KCNMA1: variants seen among roughly 807,000 people sequenced by gnomAD.
KCNMA1 encodes potassium calcium-activated channel subfamily M alpha 1.
In KCNMA1, 29 loss-of-function variants were observed where a neutral mutation model predicts 140.0. The ratio of observed to expected loss-of-function variants is 0.21; its 90% CI spans 0.15 to 0.28. The LOEUF (loss-of-function observed/expected upper bound fraction) is 0.28, where lower values mean the gene tolerates loss of function less well. KCNMA1 is among the 10% of genes least tolerant of loss of function. The probability of loss-of-function intolerance (pLI) is 1.00; values close to 1 mark genes in which losing one functional copy is unlikely to be tolerated. For missense variants in KCNMA1, 880 were observed against 1,602.2 expected (o/e 0.55, Z 7.70); for synonymous variants, 612 against 611.9 (o/e 1.00, Z 0.00).
At chr10:77,151,209 TTTC>T (rs2098412685) in intron 5 of KCNMA1, among the ~76,000 whole-genome samples, 4 of 3,256 alleles carry the variant, frequency 1.2e-3, no homozygotes, top group Non-Finnish European at 2.3e-3. Flanking sequence ...TCTCTCTCTC[TTTC>T]TTTCTTTCCT....
At chr10:77,165,396 A>G (rs189285158) in intron 5 of KCNMA1, among the ~76,000 whole-genome samples, 2 of 152,242 alleles carry the variant, frequency 1.3e-5, no homozygotes, top group East Asian at 1.9e-4. Context: ...TCTGAGAAAC[A>G]TATCTATTCA....
intron 14 of KCNMA1, among the ~76,000 whole-genome samples, chr10:77,055,933 C>T (rs189821559): frequency 2.6e-5 from 4 of 152,314 alleles, no homozygotes; most frequent in Non-Finnish European, 4.4e-5. Context: ...CTACACAGCA[C>T]ATTTAGATTC....
At chr10:76,971,527 C>T (rs16934089) in intron 19 of KCNMA1, among the ~76,000 whole-genome samples, 33,084 of 151,990 alleles carry the variant, frequency 0.22, 3,956 homozygotes, top group Non-Finnish European at 0.25. Flanking sequence ...TTGTCTAAAC[C>T]CTGGCTGATG....
intron 1 of KCNMA1, among the ~76,000 whole-genome samples, chr10:77,547,010 A>G (rs1219709333): frequency 2.6e-5 from 4 of 152,124 alleles, no homozygotes; most frequent in Non-Finnish European, 5.9e-5. Context: ...CATTCCAGAA[A>G]CCAAGATCTT....
intron 5 of KCNMA1, among the ~76,000 whole-genome samples, chr10:77,170,088 G>A (rs1321443681): frequency 6.6e-6 from 1 of 152,198 alleles, no homozygotes; most frequent in African/African-American, 2.4e-5. Context: ...CTACTTGGGA[G>A]GCTGAGGCAG....
intron 1 of KCNMA1, among the ~76,000 whole-genome samples, chr10:77,523,211 C>CCCA (rs1555416286): frequency 1.3e-5 from 2 of 150,244 alleles, no homozygotes; most frequent in Admixed American, 6.6e-5. Flanking sequence ...GTGCCCCCCC[C>CCCA]CCTTGCAATC....
intron 3 of KCNMA1, among the ~76,000 whole-genome samples, chr10:77,213,756 C>T (rs867949053): frequency 6.6e-6 from 1 of 152,248 alleles, no homozygotes; most frequent in African/African-American, 2.4e-5. Flanking sequence ...GCCACCCACC[C>T]ACTCCCATGA....
At chr10:77,190,560 C>CA (rs1291963028) in intron 3 of KCNMA1, among the ~76,000 whole-genome samples, 22 of 152,042 alleles carry the variant, frequency 1.4e-4, no homozygotes, top group Admixed American at 1.4e-3. Context: ...GGGGCTCATG[C>CA]AAAAATGATG....
rs148289589 is a variant in KCNMA1 at position 77,050,571 on chromosome 10, C to T, written c.1750-10934G>A. Among the ~76,000 whole-genome samples the T allele has an allele frequency of 4.3e-3, 648 of 152,294 alleles. 7 individuals are homozygous for T. The highest frequency in any genetic ancestry group is 0.015 in the African/African-American group (605 of 41,570). On this transcript the variant is annotated intron_variant, in intron 14 of 27. Transcript: ENST00000286628. Reference sequence around the variant, plus strand: ...AGTGCTATCTATACTTTGATATGCACGTATGTCACCCAAGTGTCTTGGCAA... The same window carrying T: ...AGTGCTATCTATACTTTGATATGCATGTATGTCACCCAAGTGTCTTGGCAA...
At chr10:77,201,116 G>C (rs1438485591) in intron 3 of KCNMA1, among the ~76,000 whole-genome samples, 1 of 152,076 alleles carries the variant, frequency 6.6e-6, no homozygotes, top group Non-Finnish European at 1.5e-5. Flanking sequence ...GCTTTCTTTT[G>C]GCAGGAGTTG....
intron 5 of KCNMA1, among the ~76,000 whole-genome samples, chr10:77,158,540 C>A (rs1029261845): frequency 3.3e-5 from 5 of 152,074 alleles, no homozygotes; most frequent in South Asian, 4.2e-4. Context: ...CCCCATAGTC[C>A]CCCCCTCCAT....
chr10:77,233,829 T>C (rs1466244779), intron 3 of KCNMA1, among the ~76,000 whole-genome samples: 1 of 152,174 alleles, frequency 6.6e-6, no homozygotes, highest in East Asian at 1.9e-4. Context: ...AACCCCTTCT[T>C]CCAAATATAC....
At chr10:77,355,506 C>T (rs1484963250) in intron 2 of KCNMA1, among the ~76,000 whole-genome samples, 1 of 152,188 alleles carries the variant, frequency 6.6e-6, no homozygotes. Context: ...ATGCCATTTC[C>T]TTCCTGTTGG....
At chr10:77,321,688 C>A (rs190606795) in intron 2 of KCNMA1, among the ~76,000 whole-genome samples, 13 of 152,162 alleles carry the variant, frequency 8.5e-5, no homozygotes, top group Non-Finnish European at 1.5e-4. Flanking sequence ...CCATATGAGT[C>A]TATTTTTAAT....
intron 2 of KCNMA1, among the ~76,000 whole-genome samples, chr10:77,397,023 G>T (rs1048682423): frequency 7.2e-6 from 1 of 139,472 alleles, no homozygotes; most frequent in African/African-American, 2.7e-5. Flanking sequence ...TTGAGGTGAG[G>T]CTGTCCTTCA....
chr10:77,073,115 G>A lies in KCNMA1; in HGVS notation c.1731C>T (p.Ser577=). Residue 577 remains serine, a synonymous_variant, in exon 14 of 28, where the codon TCC becomes TCT. Coordinates refer to ENST00000286628, the MANE Select transcript of KCNMA1 (RefSeq NM_001161352.2). ...GLSTMLANLF[S]MRSFIKIEED... is the part of the protein sequence containing the mutation. ...ACGTTACCTTTATGAATGACCTCAT[G>A]GAGAAGAGGTTGGCAAGCATGGTGG... 6.2e-7 allele frequency: 1 copy of A among 1,614,004 alleles called. No individual in the cohort carries two copies.
chr10:76,964,781 T>C (rs553654197), intron 20 of KCNMA1, among the ~76,000 whole-genome samples: 85 of 152,304 alleles, frequency 5.6e-4, no homozygotes, highest in African/African-American at 1.9e-3. Context: ...ACTTAACAAG[T>C]AGATGAGTTT....
chr10:77,124,964 T>C (rs374971019), intron 5 of KCNMA1, among the ~76,000 whole-genome samples: 82 of 152,220 alleles, frequency 5.4e-4, no homozygotes, highest in African/African-American at 1.9e-3. Flanking sequence ...CACATCCTAC[T>C]TCACATGGTG....
At chr10:77,303,810 C>A (rs1332338407) in intron 2 of KCNMA1, among the ~76,000 whole-genome samples, 2 of 152,230 alleles carry the variant, frequency 1.3e-5, no homozygotes, top group African/African-American at 4.8e-5. Flanking sequence ...GGTCTGTGCT[C>A]TTCGCCACCA....
Sources: allele counts gnomAD v4.1 joint callset (sites outside exome capture counted in the v4.1 genomes callset), GRCh38; gene constraint gnomAD v4.1.1; transcripts MANE v1.5; gene names NCBI Gene and HGNC (gene_info 2026-07-23, HGNC 2026-07-21).